Variants in ADGRL2 observed in about 807,000 individuals in gnomAD.
The protein encoded by ADGRL2 is calcium-independent alpha-latrotoxin receptor 2.
ADGRL2 carries 44 observed loss-of-function variants against 157.4 expected under a neutral mutation model. The observed-to-expected ratio is 0.28, with a 90% CI of 0.22 to 0.36. The LOEUF (loss-of-function observed/expected upper bound fraction) is 0.36, where lower values mean the gene tolerates loss of function less well. ADGRL2 is among the 10% of genes least tolerant of loss of function. The pLI, the probability that ADGRL2 is intolerant of heterozygous loss-of-function variation, is 1.00. For synonymous variants in ADGRL2, 585 were observed against 624.7 expected (o/e 0.94, Z 0.95); for missense variants, 1,510 against 1,768.9 (o/e 0.85, Z 2.63).
chr1:81,936,994 G>A (rs2095320524), intron 4 of ADGRL2, among the ~76,000 whole-genome samples, 157 bp downstream of exon 4: 1 of 151,938 alleles, frequency 6.6e-6, no homozygotes, highest in African/African-American at 2.4e-5. Context: ...TTCATGAAGT[G>A]TGGAAGGAAG....
At chr1:81,352,647 G>A (rs1557620279) in intron 1 of ADGRL2, among the ~76,000 whole-genome samples, 1 of 152,146 alleles carries the variant, frequency 6.6e-6, no homozygotes, top group Non-Finnish European at 1.5e-5. Context: ...ATCAACTTAA[G>A]ATATGCCATG....
chr1:81,489,509 C>T (rs2078584775), intron 2 of ADGRL2, among the ~76,000 whole-genome samples: 1 of 152,044 alleles, frequency 6.6e-6, no homozygotes, highest in Non-Finnish European at 1.5e-5. Flanking sequence ...CTGTGGAAGT[C>T]CCAGAAGTAG....
At chr1:81,502,187 C>T in intron 2 of ADGRL2, 2 of 1,594,032 alleles carry the variant, frequency 1.3e-6, no homozygotes, top group East Asian at 2.3e-5. Context: ...CAGAGTGGCA[C>T]CCATGTCCAA....
intron 1 of ADGRL2, among the ~76,000 whole-genome samples, chr1:81,409,522 A>G (rs1321144286): frequency 2.0e-5 from 3 of 152,220 alleles, no homozygotes; most frequent in Non-Finnish European, 4.4e-5. Context: ...ATGAATAACA[A>G]GCTTGGAGGC....
intron 1 of ADGRL2, among the ~76,000 whole-genome samples, chr1:81,336,569 C>T (rs1479556559): frequency 2.0e-5 from 3 of 152,024 alleles, no homozygotes; most frequent in African/African-American, 7.2e-5. Context: ...GTGCACTAGA[C>T]CTATATATGT....
chr1:81,538,233 G>A (rs980205800), intron 2 of ADGRL2, among the ~76,000 whole-genome samples: 1 of 152,110 alleles, frequency 6.6e-6, no homozygotes, highest in African/African-American at 2.4e-5. Flanking sequence ...GAAACACAGT[G>A]GCTCAAACAA....
chr1:81,895,277 C>T (rs1465072881), intron 2 of ADGRL2, among the ~76,000 whole-genome samples: 1 of 151,696 alleles, frequency 6.6e-6, no homozygotes, highest in East Asian at 1.9e-4. Context: ...TAACTTTATA[C>T]CTTTAGAGTT....
chr1:81,800,629 G>C (rs2087895732), upstream of ADGRL2: 1 of 152,138 alleles, frequency 6.6e-6, no homozygotes, highest in South Asian at 2.1e-4. Flanking sequence ...CAGCCTCGGA[G>C]CGCCGCGCTT....
At chr1:81,914,779 G>A (rs2094816128) in intron 3 of ADGRL2, among the ~76,000 whole-genome samples, 1 of 152,140 alleles carries the variant, frequency 6.6e-6, no homozygotes, top group Non-Finnish European at 1.5e-5. Flanking sequence ...TCTGTGGCCA[G>A]TCTACTAATA....
At position 81,810,015 on chromosome 1, in the gene ADGRL2, C is replaced by T. The variant is rs1201396844; in HGVS notation, c.-101+8947C>T. Among the ~76,000 whole-genome samples, 3 of 151,988 alleles carry T rather than the reference C, an allele frequency of 2.0e-5. No homozygotes were observed. The East Asian group carries it at 5.8e-4, about 29-fold the overall frequency. ...GGATTTAGATGACAGCATAATCTAA[C>T]CTCAATTACTGTCAAAAATGGCACT... On this transcript the variant is annotated intron_variant, in intron 1 of 23. Coordinates refer to ENST00000686636, the MANE Select transcript of ADGRL2 (RefSeq NM_001366006.2).
At chr1:81,613,729 G>A (rs574552868) in intron 3 of ADGRL2, among the ~76,000 whole-genome samples, 6 of 152,186 alleles carry the variant, frequency 3.9e-5, no homozygotes, top group Non-Finnish European at 8.8e-5. Context: ...TAAACAGGGT[G>A]ATCCAATGGT....
chr1:81,382,512 T>C (rs968364927), intron 1 of ADGRL2, among the ~76,000 whole-genome samples: 1 of 152,168 alleles, frequency 6.6e-6, no homozygotes, highest in African/African-American at 2.4e-5. Context: ...TTGCACGCCA[T>C]TGTGTAGGTT....
At chr1:81,944,457 T>A (rs1007179251) in intron 6 of ADGRL2, among the ~76,000 whole-genome samples, 1 of 152,028 alleles carries the variant, frequency 6.6e-6, no homozygotes, top group Admixed American at 6.6e-5. Flanking sequence ...TAATGCTAAA[T>A]TTTTGGAAAT....
chr1:81,537,874 A>T (rs1351284077), intron 2 of ADGRL2, among the ~76,000 whole-genome samples: 3 of 151,616 alleles, frequency 2.0e-5, no homozygotes, highest in Non-Finnish European at 2.9e-5. Context: ...TAATTTTTGT[A>T]TTTTTAGTAG....
At chr1:81,610,587 A>T (rs2148667713) in intron 3 of ADGRL2, among the ~76,000 whole-genome samples, 1 of 152,314 alleles carries the variant, frequency 6.6e-6, no homozygotes, top group South Asian at 2.1e-4. Flanking sequence ...TAAGGGAGCA[A>T]CATCAAATTT....
At position 81,839,143 on chromosome 1, in the gene ADGRL2, T is replaced by C. The variant is rs189015434; in HGVS notation, c.73+2086T>C. 1.3e-3 allele frequency among the ~76,000 whole-genome samples: 197 copies of C among 152,148 alleles called. 3 individuals are homozygous for C. The highest frequency in any genetic ancestry group is 4.6e-3 in the African/African-American group (191 of 41,534). ...CAGATATGAATTTAACCTTCAGCTATTGAGTTTCTTTTGGGCCCTTACATG... is the reference window on the plus strand; with the variant it reads ...CAGATATGAATTTAACCTTCAGCTACTGAGTTTCTTTTGGGCCCTTACATG... On this transcript the variant is annotated intron_variant, in intron 2 of 23. Coordinates refer to ENST00000686636, the MANE Select transcript of ADGRL2 (RefSeq NM_001366006.2).
chr1:81,328,868 A>T (rs1342335110), intron 1 of ADGRL2, among the ~76,000 whole-genome samples: 1 of 151,962 alleles, frequency 6.6e-6, no homozygotes, highest in Admixed American at 6.6e-5. Context: ...GAAGCGCTTA[A>T]TTATCATTTT....
intron 1 of ADGRL2, among the ~76,000 whole-genome samples, chr1:81,816,607 T>C (rs2090430041): frequency 6.6e-6 from 1 of 151,902 alleles, no homozygotes; most frequent in Admixed American, 6.6e-5. Flanking sequence ...TTATTTAATG[T>C]GGAATTATTA....
At chr1:81,819,306 C>A (rs2090745451) in intron 1 of ADGRL2, among the ~76,000 whole-genome samples, 1 of 151,952 alleles carries the variant, frequency 6.6e-6, no homozygotes, top group African/African-American at 2.4e-5. Flanking sequence ...AAGCCCAGAA[C>A]CAAGGTTCCA....
Sources: gnomAD v4.1 joint callset for allele counts (sites outside exome capture counted in the v4.1 genomes callset) on GRCh38, gnomAD v4.1.1 for gene constraint, MANE v1.5 for transcripts, NCBI Gene and HGNC (gene_info 2026-07-23, HGNC 2026-07-21) for gene names.